CNTN3: variants seen among roughly 807,000 people sequenced by gnomAD.
CNTN3 encodes the protein contactin 3.
In CNTN3, 60 loss-of-function variants were observed where a neutral mutation model predicts 119.1. The observed-to-expected ratio is 0.50, with a 90% CI of 0.41 to 0.62. The LOEUF is 0.62. Among genes scored for constraint, CNTN3 ranks in the 20% least tolerant of loss-of-function variants. CNTN3 has a pLI of 0.00. For missense variants in CNTN3, 1,101 were observed against 1,242.4 expected (o/e 0.89, Z 1.71); for synonymous variants, 450 against 438.7 (o/e 1.03, Z -0.32).
intron 4 of CNTN3, among the ~76,000 whole-genome samples, chr3:74,440,799 G>C (rs989763088): frequency 6.6e-6 from 1 of 152,064 alleles, no homozygotes; most frequent in Non-Finnish European, 1.5e-5. Context: ...TAGGTCATTT[G>C]TCTTTAAACA....
At chr3:74,602,469 T>G (rs1326309677) in intron 1 of CNTN3, among the ~76,000 whole-genome samples, 1 of 151,980 alleles carries the variant, frequency 6.6e-6, no homozygotes, top group African/African-American at 2.4e-5. Flanking sequence ...CTAATTCATG[T>G]GGGTAAATGG....
At chr3:74,271,971 T>A (rs1404442300) in intron 20 of CNTN3, among the ~76,000 whole-genome samples, 1 of 152,202 alleles carries the variant, frequency 6.6e-6, no homozygotes, top group African/African-American at 2.4e-5. Context: ...AAGGTCTTTC[T>A]TTGATTTTTG....
intron 4 of CNTN3, among the ~76,000 whole-genome samples, chr3:74,454,501 G>T (rs527470739): frequency 2.0e-5 from 3 of 151,968 alleles, no homozygotes; most frequent in African/African-American, 4.8e-5. Context: ...GGAGAATTTA[G>T]TCCATTTACT....
chr3:74,397,313 G>A (rs1185745088), intron 5 of CNTN3, among the ~76,000 whole-genome samples: 1 of 152,112 alleles, frequency 6.6e-6, no homozygotes, highest in African/African-American at 2.4e-5. Context: ...AAATATTACT[G>A]TTCACTAATG....
At chr3:74,296,883 T>G (rs960721411) in intron 18 of CNTN3, among the ~76,000 whole-genome samples, 1 of 151,054 alleles carries the variant, frequency 6.6e-6, no homozygotes, top group Non-Finnish European at 1.5e-5. Context: ...TTTTTTTTTT[T>G]TGTAGAACTA....
At chr3:74,584,053 T>C (rs1205059846) in intron 1 of CNTN3, among the ~76,000 whole-genome samples, 1 of 152,168 alleles carries the variant, frequency 6.6e-6, no homozygotes, top group African/African-American at 2.4e-5. Context: ...ATAAACACTC[T>C]AGCAATATCA....
intron 3 of CNTN3, among the ~76,000 whole-genome samples, chr3:74,499,281 C>T (rs750300771): frequency 9.2e-5 from 14 of 151,742 alleles, no homozygotes; most frequent in African/African-American, 2.9e-4. Context: ...AAATGGTAAA[C>T]GGACAAAAGG....
At chr3:74,355,524 G>C (rs749186175) in intron 11 of CNTN3, among the ~76,000 whole-genome samples, 3 of 151,794 alleles carry the variant, frequency 2.0e-5, no homozygotes, top group African/African-American at 4.9e-5. Context: ...GCAAGGTCTC[G>C]GTACACTGCA....
intron 11 of CNTN3, among the ~76,000 whole-genome samples, chr3:74,360,335 T>C (rs938130643): frequency 6.6e-6 from 1 of 152,180 alleles, no homozygotes; most frequent in African/African-American, 2.4e-5. Context: ...ACCTCAAAGA[T>C]TCTGGGCTCC....
chr3:74,461,018 T>C (rs560884548), intron 4 of CNTN3, among the ~76,000 whole-genome samples: 1 of 151,646 alleles, frequency 6.6e-6, no homozygotes, highest in African/African-American at 2.4e-5. Context: ...ATAATTACCT[T>C]GAATTCCTCT....
chr3:74,449,762 G>A (rs1200482152), intron 4 of CNTN3, among the ~76,000 whole-genome samples: 1 of 151,964 alleles, frequency 6.6e-6, no homozygotes, highest in African/African-American at 2.4e-5. Context: ...GGCATTAATT[G>A]GTTTTCTATC....
intron 1 of CNTN3, among the ~76,000 whole-genome samples, chr3:74,557,957 G>T (rs72885315): frequency 6.6e-5 from 10 of 152,126 alleles, no homozygotes; most frequent in Non-Finnish European, 1.2e-4. Flanking sequence ...TGGAACACAA[G>T]GGGTGGACTG....
intron 4 of CNTN3, among the ~76,000 whole-genome samples, chr3:74,466,094 A>G (rs1702455417): frequency 6.6e-6 from 1 of 152,158 alleles, no homozygotes; most frequent in South Asian, 2.1e-4. Context: ...AAAGAGTCCA[A>G]ATTAAAGCAA....
intron 1 of CNTN3, among the ~76,000 whole-genome samples, chr3:74,589,928 A>G (rs1272264139): frequency 8.2e-6 from 1 of 122,556 alleles, no homozygotes; most frequent in Non-Finnish European, 1.6e-5. Context: ...GGACACAGGA[A>G]GGGGAACATC....
chr3:74,599,086 G>A (rs1181747984), intron 1 of CNTN3, among the ~76,000 whole-genome samples: 2 of 152,000 alleles, frequency 1.3e-5, no homozygotes, highest in African/African-American at 2.4e-5. Flanking sequence ...AATCCACATT[G>A]AGTGATGCTA....
intron 20 of CNTN3, among the ~76,000 whole-genome samples, chr3:74,277,459 T>C (rs977739303): frequency 6.6e-6 from 1 of 152,060 alleles, no homozygotes; most frequent in African/African-American, 2.4e-5. Context: ...AGGGATGTTT[T>C]AAAATACACA....
chr3:74,608,605 T>C (rs1705030707), intron 1 of CNTN3, among the ~76,000 whole-genome samples: 1 of 152,162 alleles, frequency 6.6e-6, no homozygotes, highest in East Asian at 1.9e-4. Flanking sequence ...TCATCTGTTG[T>C]CAACTAATGA....
At chr3:74,418,979 T>C (rs989938654) in intron 5 of CNTN3, among the ~76,000 whole-genome samples, 2 of 151,198 alleles carry the variant, frequency 1.3e-5, no homozygotes, top group African/African-American at 2.4e-5. Flanking sequence ...TGTATTTTAG[T>C]AGCGGGGCAG....
chr3:74,289,318 A>G (rs534980547), intron 19 of CNTN3, among the ~76,000 whole-genome samples: 21 of 152,294 alleles, frequency 1.4e-4, no homozygotes, highest in African/African-American at 5.1e-4. Context: ...TTTCCTTTCA[A>G]TACTGTATTC....
Sources: gnomAD v4.1 joint callset for allele counts (sites outside exome capture counted in the v4.1 genomes callset) on GRCh38, gnomAD v4.1.1 for gene constraint, MANE v1.5 for transcripts, NCBI Gene and HGNC (gene_info 2026-07-23, HGNC 2026-07-21) for gene names.